The following ZNF862 variants were observed in gnomAD, a reference collection of about 807,000 sequenced individuals.
ZNF862 encodes the protein zinc finger protein 862.
A neutral mutation model predicts 91.1 loss-of-function variants in ZNF862; 64 were observed. That is an observed-to-expected ratio of 0.70 (90% CI 0.57 to 0.87). ZNF862 has a LOEUF of 0.87. Ranked by LOEUF, ZNF862 falls within the 40% of genes least tolerant of loss-of-function variation. The probability of loss-of-function intolerance (pLI) is 0.00; values close to 1 mark genes in which losing one functional copy is unlikely to be tolerated. For missense variants in ZNF862, 1,459 were observed against 1,528.0 expected (o/e 0.95, Z 0.75); for synonymous variants, 631 against 618.1 (o/e 1.02, Z -0.31).
Position 149,866,320 on chromosome 7 carries a change from C to T in ZNF862, c.*2036C>T, listed in dbSNP as rs1381168340. On this transcript the variant is annotated 3_prime_UTR_variant, in exon 8 of 8. Transcript: ENST00000223210. ...CCCCATCACCGTCTCCATGGGCGTTCAGGAACTTGCCCAGGTCAGGCACTG... is the reference window on the plus strand; with the variant it reads ...CCCCATCACCGTCTCCATGGGCGTTTAGGAACTTGCCCAGGTCAGGCACTG... The T allele has an allele frequency of 6.6e-6, 1 of 152,222 alleles. No individual in the cohort carries two copies. The highest frequency in any genetic ancestry group is 6.5e-5 in the Admixed American group (1 of 15,286). 9.4% of individuals were successfully genotyped at this position (152,222 alleles called of 1,614,324 possible).
Position 149,861,060 on chromosome 7 carries a change from G to A in ZNF862, c.1900G>A (p.Ala634Thr), listed in dbSNP as rs201879399. ...CGTGCTGCTGGACAGCTCCACCGAC[G>A]CCTCCGAGCAGGCCTGCGTGGGGAT... ...VSVLLDSSTD[A>T]SEQACVGIYI... Residue 634 changes from alanine (A) to threonine (T), a missense_variant, in exon 7 of 8, where the codon GCC (alanine) becomes ACC (threonine). By Grantham distance (58) the Ala-to-Thr change is moderately conservative. Transcript: ENST00000223210. The surrounding 1 kb of genome is among the most constrained non-coding windows in gnomAD (Gnocchi z 6.7). 1.7e-4 allele frequency: 268 copies of A among 1,612,572 alleles called. No individual in the cohort carries two copies. The highest frequency in any genetic ancestry group is 8.8e-5 in the South Asian group (8 of 90,958).
chr7:149,852,362 TGTGTGTGTGTGAGA>T (rs1402341760), intron 5 of ZNF862, among the ~76,000 whole-genome samples: 6 of 137,802 alleles, frequency 4.4e-5, no homozygotes, highest in Non-Finnish European at 8.2e-5. Flanking sequence ...TGTGTGTGTG[TGTGTGTGTGTGAGA>T]GAGAGAGAGA....
At chr7:149,863,770 T>C (rs1802606691) in intron 7 of ZNF862, among the ~76,000 whole-genome samples, 1 of 152,180 alleles carries the variant, frequency 6.6e-6, no homozygotes, top group Non-Finnish European at 1.5e-5. Context: ...TTGGGGGCCC[T>C]TCCTGTTCAC....
Position 149,850,108 on chromosome 7 carries a change from G to A in ZNF862, c.940-53G>A, listed in dbSNP as rs1311366772. ...CTTCCAAAGGCCCCAGAAGTGTCACGTGGGAGTCTGGCTCGGCAGGCGGTG... is the reference window on the plus strand; with the variant it reads ...CTTCCAAAGGCCCCAGAAGTGTCACATGGGAGTCTGGCTCGGCAGGCGGTG... On this transcript the variant is annotated intron_variant, in intron 4 of 7. Transcript: ENST00000223210. This position sits in a 1 kb window ranked among gnomAD's most constrained non-coding sequence, Gnocchi z 4.2. The A allele has an allele frequency of 1.2e-5, 18 of 1,544,992 alleles. No homozygotes were observed. The highest frequency in any genetic ancestry group is 2.0e-5 in the Admixed American group (1 of 50,980).
At chr7:149,849,130 A>T (rs78572979) in intron 4 of ZNF862, among the ~76,000 whole-genome samples, 2,700 of 152,276 alleles carry the variant, frequency 0.018, 73 homozygotes, top group African/African-American at 0.06. Context: ...GTTTGGAGTC[A>T]TGTTGCACTT....
At position 149,864,215 on chromosome 7, in the gene ZNF862, C is replaced by T. The variant is rs200279200; in HGVS notation, c.3441C>T (p.Asp1147=). Residue 1147 remains aspartate, a synonymous_variant, in exon 8 of 8, where the codon GAC becomes GAT. Coordinates refer to ENST00000223210, the MANE Select transcript of ZNF862 (RefSeq NM_001099220.3). ...GGGAAGCAGCGGAGGTTCTGAAGGA[C>T]TGCATCATGGAGCCTCCCGAGAGAC... ...PSREAAEVLK[D]CIMEPPERLL... is the part of the protein sequence containing the mutation. 439 of 1,600,342 alleles carry T rather than the reference C, an allele frequency of 2.7e-4. No homozygotes were observed. Among genetic ancestry groups the T allele is most frequent in the Non-Finnish European group, 3.7e-4 (429 of 1,173,980 alleles).
chr7:149,865,611 C>T lies in ZNF862; in HGVS notation c.*1327C>T, dbSNP rs920203928. Reference sequence around the variant, plus strand: ...CTCCGTCTTGGCAGGCTCAGGAGGCCGCTTATCAGGAGGAGGATGATTTTG... The same window carrying T: ...CTCCGTCTTGGCAGGCTCAGGAGGCTGCTTATCAGGAGGAGGATGATTTTG... On this transcript the variant is annotated 3_prime_UTR_variant, in exon 8 of 8. Coordinates refer to ENST00000223210, the MANE Select transcript of ZNF862 (RefSeq NM_001099220.3). 3.3e-5 allele frequency: 5 copies of T among 152,222 alleles called. No homozygotes were observed. The highest frequency in any genetic ancestry group is 2.6e-4 in the Admixed American group (4 of 15,276). 9.4% of individuals were successfully genotyped at this position (152,222 alleles called of 1,614,324 possible).
At position 149,862,217 on chromosome 7, in the gene ZNF862, C is replaced by A; in HGVS notation, c.3057C>A (p.Phe1019Leu). 1 of 1,613,642 alleles carries A rather than the reference C, an allele frequency of 6.2e-7. No homozygotes were observed. The change falls in exon 7 of 8, where the codon TTC (phenylalanine) becomes TTA (leucine). Residue 1019 changes from phenylalanine (F) to leucine (L), a missense_variant. Coordinates refer to ENST00000223210, the MANE Select transcript of ZNF862 (RefSeq NM_001099220.3). ...CKNALAQHCR[F>L]PLLSKLMAVV... The stretch of plus-strand genomic sequence containing the variant: ...ACGCCCTGGCCCAGCACTGCCGCTT[C>A]CCCCTGCTAAGCAAGCTCATGGCCG...
Position 149,847,967 on chromosome 7 carries a change from T to A in ZNF862, c.474T>A (p.Ala158=). The change falls in exon 4 of 8, where the codon GCT becomes GCA. Residue 158 remains alanine (A), a synonymous_variant. Transcript: ENST00000223210. ...TGATCATGAATGAGGAGCAGACGGC[T>A]CTGTTCTGCTCTGCTTGCCGAGAAT... The part of the protein sequence containing the change: ...PWLIMNEEQT[A]LFCSACREYP... The A allele has an allele frequency of 1.9e-6, 3 of 1,610,714 alleles. No homozygotes were observed. Among genetic ancestry groups the A allele is most frequent in the Non-Finnish European group, 2.5e-6 (3 of 1,178,290 alleles).
At position 149,854,752 on chromosome 7, in the gene ZNF862, G is replaced by A. The variant is rs61476750; in HGVS notation, c.1117+4414G>A. Among the ~76,000 whole-genome samples the A allele has an allele frequency of 3.9e-5, 6 of 152,380 alleles. No individual in the cohort carries two copies. In the East Asian group the frequency reaches 9.6e-4, roughly 24 times the overall value. On this transcript the variant is annotated intron_variant, in intron 5 of 7. Coordinates refer to ENST00000223210, the MANE Select transcript of ZNF862 (RefSeq NM_001099220.3). ...AGCGGGGAGCACTTTCAGCCCAGGA[G>A]CTGCTCTCAGGTGCTTCCCTGTGGC...
rs371425822 is a variant in ZNF862, at chr7:149,854,774, T to C, written c.1117+4436T>C. Among the ~76,000 whole-genome samples the C allele has an allele frequency of 1.1e-4, 16 of 152,358 alleles. No homozygotes were observed. The East Asian group carries it at 2.7e-3, about 26-fold the overall frequency. On this transcript the variant is annotated intron_variant, in intron 5 of 7. Transcript: ENST00000223210. ...GGAGCTGCTCTCAGGTGCTTCCCTG[T>C]GGCCCCCTCCGTGCTCAGGCCGGCA...
intron 3 of ZNF862, 48 bp downstream of exon 3, chr7:149,846,303 G>A: frequency 6.9e-7 from 1 of 1,454,264 alleles, no homozygotes; most frequent in Non-Finnish European, 9.6e-7. Context: ...TGGAGAGGGA[G>A]CATGGGCAGC....
rs375078974 is a variant in ZNF862, at chr7:149,860,978, C to A, written c.1818C>A (p.Ile606=). 3.7e-5 allele frequency: 60 copies of A among 1,613,426 alleles called. No homozygotes were observed. The highest frequency in any genetic ancestry group is 4.9e-5 in the Non-Finnish European group (58 of 1,179,810). ...RTACTQFIKY[I]SETLKREILE... ...CGTGCACTCAGTTCATCAAGTACAT[C>A]TCAGAGACCCTGAAGAGGGAGATCC... Residue 606 remains isoleucine (I), a synonymous_variant, in exon 7 of 8, where the codon ATC becomes ATA. Coordinates refer to ENST00000223210, the MANE Select transcript of ZNF862 (RefSeq NM_001099220.3).
At chr7:149,859,300 G>C (rs1802370329) in intron 5 of ZNF862, 122 bp from the exon 6 acceptor site, 3 of 952,774 alleles carry the variant, frequency 3.1e-6, no homozygotes, top group Non-Finnish European at 4.9e-6. Flanking sequence ...TGGCCGACTA[G>C]ACTTTATAAG....
chr7:149,866,654 C>T lies in ZNF862; in HGVS notation c.*2370C>T, dbSNP rs1248122496. ...CTTAGGTGGTGGGAAAGGGGGGTCC[C>T]TGTGCAGCGGGGCCACTGAGAATGC... On this transcript the variant is annotated 3_prime_UTR_variant, in exon 8 of 8. Transcript: ENST00000223210. 2 of 152,230 alleles carry T rather than the reference C, an allele frequency of 1.3e-5. No homozygotes were observed. Among genetic ancestry groups the T allele is most frequent in the Non-Finnish European group, 2.9e-5 (2 of 68,098 alleles). 9.4% of individuals were successfully genotyped at this position (152,230 alleles called of 1,614,324 possible).
intron 5 of ZNF862, among the ~76,000 whole-genome samples, chr7:149,856,745 C>T (rs1802279021): frequency 6.6e-6 from 1 of 152,212 alleles, no homozygotes; most frequent in African/African-American, 2.4e-5. Flanking sequence ...GTCTCTCCCC[C>T]ATTTCCCGAG....
chr7:149,861,439 CA>C lies in ZNF862; in HGVS notation c.2282del (p.Asn761ThrfsTer4). 1.2e-6 allele frequency: 2 copies of C among 1,613,460 alleles called. No homozygotes were observed. Among genetic ancestry groups the C allele is most frequent in the Non-Finnish European group, 1.7e-6 (2 of 1,179,900 alleles). On this transcript the variant is annotated frameshift_variant, in exon 7 of 8. Transcript: ENST00000223210. LOFTEE classifies it high-confidence loss of function. This position sits in a 1 kb window ranked among gnomAD's most constrained non-coding sequence, Gnocchi z 6.7. ...IRTVFKFYQS[S>X]NKRLNELQEG... ...ACCGTCTTCAAGTTTTATCAGTCCT[CA>C]AACAAGAGGCTGAACGAGCTGCAGG... is the stretch of plus-strand genomic sequence containing the variant.
rs770811550 is a variant in ZNF862 at position 149,864,294 on chromosome 7, A to G, written c.*10A>G. On this transcript the variant is annotated 3_prime_UTR_variant, in exon 8 of 8. Transcript: ENST00000223210. ...CCCCGGGATGTCCTGAGGGACAGGG[A>G]GTCCTTGGGACTGCCTTGGAGACGC... 1.9e-6 allele frequency: 3 copies of G among 1,590,936 alleles called. No homozygotes were observed. The highest frequency in any genetic ancestry group is 2.3e-5 in the East Asian group (1 of 43,818).
chr7:149,846,179 C>T lies in ZNF862; in HGVS notation c.165C>T (p.Phe55=), dbSNP rs556611001. ...LGPTVANPEL[F]RKFGRGPEPW... is the part of the protein sequence containing the mutation. The stretch of plus-strand genomic sequence containing the variant: ...CAACTGTTGCCAATCCTGAGCTGTT[C>T]CGCAAGTTCGGACGAGGGCCAGAGC... The change falls in exon 3 of 8, where the codon TTC becomes TTT. Residue 55 remains phenylalanine (F), a synonymous_variant. Transcript: ENST00000223210. 2 of 1,612,998 alleles carry T rather than the reference C, an allele frequency of 1.2e-6. No individual in the cohort carries two copies. The highest frequency in any genetic ancestry group is 1.3e-5 in the African/African-American group (1 of 74,616).
Sources: gnomAD v4.1 joint callset for allele counts (sites outside exome capture counted in the v4.1 genomes callset) on GRCh38, gnomAD v4.1.1 for gene constraint, Gnocchi (gnomAD v3.1) non-coding constraint, MANE v1.5 for transcripts, NCBI Gene and HGNC (gene_info 2026-07-23, HGNC 2026-07-21) for gene names.